LRCH3: variants seen among roughly 807,000 people sequenced by gnomAD.
LRCH3 encodes DISP complex protein LRCH3.
Under a neutral mutation model 104.5 loss-of-function variants are expected in LRCH3, and 68 were observed. The ratio of observed to expected loss-of-function variants is 0.65; its 90% CI spans 0.54 to 0.80. The LOEUF is 0.80. LRCH3 is among the 30% of genes least tolerant of loss of function. The probability of loss-of-function intolerance (pLI) is 0.00; values close to 1 mark genes in which losing one functional copy is unlikely to be tolerated. For missense variants in LRCH3, 951 were observed against 953.9 expected, an observed-to-expected ratio of 1.00 and a Z score of 0.04; for synonymous variants, 344 against 361.3, an observed-to-expected ratio of 0.95 and a Z score of 0.54.
chr3:197,806,657 T>A (rs1293901373), intron 1 of LRCH3, among the ~76,000 whole-genome samples: 8 of 150,770 alleles, frequency 5.3e-5, no homozygotes, highest in Admixed American at 5.3e-4. Context: ...GGCAGGTGGA[T>A]CACCTGAGGT....
chr3:197,851,074 A>T, intron 12 of LRCH3: 1 of 629,932 alleles, frequency 1.6e-6, no homozygotes. Context: ...AAGTGGCAGG[A>T]TTAAAATCCT....
chr3:197,847,388 C>A, intron 10 of LRCH3, 21 bp from the exon 11 acceptor site: 1 of 1,562,744 alleles, frequency 6.4e-7, no homozygotes, highest in Non-Finnish European at 8.6e-7. Flanking sequence ...TTTTTTCTTT[C>A]TTTTTTCTTT....
At chr3:197,850,344 A>AT (rs1739395201) in intron 12 of LRCH3, 2 of 831,306 alleles carry the variant, frequency 2.4e-6, no homozygotes, top group East Asian at 5.3e-5. Context: ...TTTAGGTACC[A>AT]TTTTTTCTTT....
At chr3:197,881,879 G>C in intron 20 of LRCH3, 1 of 985,388 alleles carries the variant, frequency 1.0e-6, no homozygotes, top group Non-Finnish European at 1.2e-6. Context: ...TCACTGGTTT[G>C]GTTTTCTTCC....
At chr3:197,880,102 C>A (rs571657164) in intron 20 of LRCH3, among the ~76,000 whole-genome samples, 6 of 151,046 alleles carry the variant, frequency 4.0e-5, no homozygotes, top group South Asian at 2.1e-4. Context: ...CCCGCCACCA[C>A]GCCCGGCTAA....
chr3:197,837,984 T>A (rs1450071301), intron 9 of LRCH3, among the ~76,000 whole-genome samples: 1 of 151,464 alleles, frequency 6.6e-6, no homozygotes, highest in Non-Finnish European at 1.5e-5. Flanking sequence ...CACTTGAACC[T>A]GGGCAGCGGA....
intron 14 of LRCH3, among the ~76,000 whole-genome samples, chr3:197,858,617 T>C (rs1442939451): frequency 1.3e-5 from 2 of 152,046 alleles, no homozygotes; most frequent in African/African-American, 4.8e-5. Context: ...TGGCATGAGG[T>C]ATTGAGACTA....
At chr3:197,831,708 C>G (rs567715422) in intron 7 of LRCH3, among the ~76,000 whole-genome samples, 3 of 150,522 alleles carry the variant, frequency 2.0e-5, no homozygotes, top group African/African-American at 7.3e-5. Context: ...AGTGGCACGA[C>G]CATGGCTCAA....
chr3:197,880,596 C>T (rs1385003823), intron 20 of LRCH3: 1 of 1,536,708 alleles, frequency 6.5e-7, no homozygotes, highest in Admixed American at 2.0e-5. Context: ...TCTTGGGGCA[C>T]ACTCAGAAGA....
At chr3:197,836,325 G>A (rs1736786755) in intron 9 of LRCH3, among the ~76,000 whole-genome samples, 1 of 152,224 alleles carries the variant, frequency 6.6e-6, no homozygotes, top group African/African-American at 2.4e-5. Flanking sequence ...TGCTATTAAA[G>A]TTCTTGGGTA....
intron 19 of LRCH3, 64 bp from the exon 20 acceptor site, chr3:197,875,634 G>T (rs9758121): frequency 8.1e-7 from 1 of 1,241,468 alleles, no homozygotes; most frequent in Non-Finnish European, 1.1e-6. Context: ...AGCCTGGGTG[G>T]CAGTGAGACC....
intron 8 of LRCH3, among the ~76,000 whole-genome samples, 167 bp downstream of exon 8, chr3:197,832,484 A>C (rs1736092340): frequency 6.6e-6 from 1 of 152,160 alleles, no homozygotes; most frequent in Admixed American, 6.5e-5. Flanking sequence ...ATTGGGATGA[A>C]ACTATGATTT....
intron 8 of LRCH3, among the ~76,000 whole-genome samples, chr3:197,835,257 C>T (rs1200175195): frequency 2.0e-5 from 3 of 151,750 alleles, no homozygotes; most frequent in South Asian, 2.1e-4. Flanking sequence ...GGTCTTGGCT[C>T]ACCGTAACTT....
chr3:197,803,156 A>C (rs972115129), intron 1 of LRCH3, among the ~76,000 whole-genome samples: 9 of 152,220 alleles, frequency 5.9e-5, no homozygotes, highest in African/African-American at 2.2e-4. Flanking sequence ...ATATGTAGTG[A>C]AGGAGGCTTT....
rs542405351 is a variant in LRCH3 at position 197,887,920 on chromosome 3, A to C, written c.*4254A>C. ...TATTTCAGACTCATAATCTGTGTTTAGCACTCCAGTGTTCTCTTGTAATAG... is the reference window on the plus strand; with the variant it reads ...TATTTCAGACTCATAATCTGTGTTTCGCACTCCAGTGTTCTCTTGTAATAG... On this transcript the variant is annotated 3_prime_UTR_variant, in exon 21 of 21. Coordinates refer to ENST00000425562, the MANE Select transcript of LRCH3 (RefSeq NM_001365715.1). The C allele has an allele frequency of 1.3e-5, 2 of 152,820 alleles. No individual in the cohort carries two copies. The highest frequency in any genetic ancestry group is 4.8e-5 in the African/African-American group (2 of 41,594). The allele number at this position is 152,820 out of a possible 1,614,324, so 9.5% of individuals were successfully genotyped here.
chr3:197,866,077 C>T (rs1414655125), intron 16 of LRCH3, 35 bp from the exon 17 acceptor site: 1 of 1,449,218 alleles, frequency 6.9e-7, no homozygotes. Flanking sequence ...ATTTTCATCT[C>T]CTTTAATCTC....
chr3:197,816,354 C>T (rs1235969866), intron 2 of LRCH3, among the ~76,000 whole-genome samples: 4 of 151,948 alleles, frequency 2.6e-5, no homozygotes, highest in Admixed American at 6.6e-5. Context: ...GATCTTGGCT[C>T]GCCACAACCT....
At chr3:197,791,578 C>T (rs773339615) in intron 1 of LRCH3, 38 bp downstream of exon 1, 3 of 1,494,924 alleles carry the variant, frequency 2.0e-6, no homozygotes, top group Admixed American at 2.7e-5. Context: ...CGTCGGAGAC[C>T]CGGCGCCGGG....
At chr3:197,817,328 A>ACGTGTGTGTGTGTTTTTTGTGTGTGTGTG in intron 3 of LRCH3, 26 bp downstream of exon 3, 1 of 348,424 alleles carries the variant, frequency 2.9e-6, no homozygotes, top group South Asian at 6.5e-5. Context: ...TGATTGTCCA[A>ACGTGTGTGTGTGTTTTTTGTGTGTGTGTG]CATGTGTGTG....
Sources: allele counts gnomAD v4.1 joint callset (sites outside exome capture counted in the v4.1 genomes callset), GRCh38; gene constraint gnomAD v4.1.1; transcripts MANE v1.5; gene names NCBI Gene and HGNC (gene_info 2026-07-23, HGNC 2026-07-21).